DNM1L: variants seen among roughly 807,000 people sequenced by gnomAD.
The protein encoded by DNM1L is dynamin-1-like protein.
A neutral mutation model predicts 92.8 loss-of-function variants in DNM1L; 33 were observed. The observed-to-expected ratio is 0.36, with a 90% CI of 0.27 to 0.48. DNM1L has a LOEUF of 0.48. Among genes scored for constraint, DNM1L ranks in the 20% least tolerant of loss-of-function variants. DNM1L has a pLI of 0.99. For missense variants in DNM1L, 485 were observed against 888.8 expected, an observed-to-expected ratio of 0.55 and a Z score of 5.78; for synonymous variants, 284 against 305.0, an observed-to-expected ratio of 0.93 and a Z score of 0.72.
In DNM1L at chr12:32,717,853, A is replaced by ACTATATATAGT. The variant is rs1565518683; in HGVS notation, c.620-790_620-789insCTATATATAGT. 7.0e-4 allele frequency among the ~76,000 whole-genome samples: 58 copies of ACTATATATAGT among 83,252 alleles called. 1 individual carries two copies. The highest frequency in any genetic ancestry group is 2.9e-3 in the African/African-American group (55 of 18,992). The allele number at this position is 83,252 out of a possible 152,430, so 54.6% of individuals were successfully genotyped here. Reference sequence around the variant, plus strand: ...TAGTATATACTATATATATTTTATAAATATACTATATATAGTATATACTAT... The same window carrying ACTATATATAGT: ...TAGTATATACTATATATATTTTATAACTATATATAGTATATACTATATATAGTATATACTAT... On this transcript the variant is annotated intron_variant, in intron 6 of 19. Coordinates refer to ENST00000549701, the MANE Select transcript of DNM1L (RefSeq NM_012062.5).
chr12:32,720,586 T>C (rs965957929), intron 7 of DNM1L, 78 bp from the exon 8 acceptor site: 1 of 1,593,910 alleles, frequency 6.3e-7, no homozygotes, highest in Non-Finnish European at 8.6e-7. Flanking sequence ...TAGAGAACAA[T>C]GCCTGGTGCT....
At chr12:32,708,458 C>A (rs554936944) in intron 4 of DNM1L, among the ~76,000 whole-genome samples, 41 of 152,040 alleles carry the variant, frequency 2.7e-4, no homozygotes, top group Non-Finnish European at 4.6e-4. Flanking sequence ...TCATATAAAT[C>A]AAATATTTTA....
intron 3 of DNM1L, among the ~76,000 whole-genome samples, chr12:32,707,769 G>T (rs1952982192): frequency 6.6e-6 from 1 of 151,986 alleles, no homozygotes; most frequent in Non-Finnish European, 1.5e-5. Context: ...AGGCAATATA[G>T]GGGGACCCTG....
At chr12:32,699,379 A>G (rs1324298274) in intron 1 of DNM1L, among the ~76,000 whole-genome samples, 2 of 152,234 alleles carry the variant, frequency 1.3e-5, no homozygotes, top group African/African-American at 4.8e-5. Context: ...ACTTTATTAT[A>G]AACTAATAAG....
At position 32,731,824 on chromosome 12, in the gene DNM1L, A is replaced by G. The variant is rs1954575851; in HGVS notation, c.1357-30A>G. 1 of 1,579,642 alleles carries G rather than the reference A, an allele frequency of 6.3e-7. No homozygotes were observed. The highest frequency in any genetic ancestry group is 1.3e-5 in the African/African-American group (1 of 74,182). The stretch of plus-strand genomic sequence containing the variant: ...GACTTAAAAAAAAAACAAAAAACAA[A>G]CACGTTTTTCTTTCATCTACCATTT... On this transcript the variant is annotated intron_variant, in intron 11 of 19. Transcript: ENST00000549701. The surrounding 1 kb of genome is among the most constrained non-coding windows in gnomAD (Gnocchi z 5.1).
chr12:32,728,477 T>C (rs1954305537), intron 9 of DNM1L: 1 of 152,210 alleles, frequency 6.6e-6, no homozygotes, highest in East Asian at 1.9e-4. Context: ...TAATTCATAT[T>C]CAGAAAAGTA....
At chr12:32,700,270 C>T (rs1375229256) in intron 1 of DNM1L, among the ~76,000 whole-genome samples, 1 of 151,978 alleles carries the variant, frequency 6.6e-6, no homozygotes, top group African/African-American at 2.4e-5. Flanking sequence ...CAGGCGCGTG[C>T]CACCACACCC....
intron 4 of DNM1L, among the ~76,000 whole-genome samples, chr12:32,710,065 T>A (rs1398368646): frequency 6.6e-6 from 1 of 152,204 alleles, no homozygotes; most frequent in Non-Finnish European, 1.5e-5. Flanking sequence ...AAACATCTCA[T>A]AAGTGTCTTT....
At chr12:32,690,477 TATC>T (rs1328062120) in intron 1 of DNM1L, among the ~76,000 whole-genome samples, 1 of 152,170 alleles carries the variant, frequency 6.6e-6, no homozygotes, top group South Asian at 2.1e-4. Flanking sequence ...GGTTGCCAGT[TATC>T]ATCATATATG....
At chr12:32,726,474 T>G in intron 9 of DNM1L, 6 of 1,108,394 alleles carry the variant, frequency 5.4e-6, no homozygotes, top group South Asian at 5.0e-5. Flanking sequence ...CTCATCTGCT[T>G]CTTCACCTTC....
intron 1 of DNM1L, among the ~76,000 whole-genome samples, chr12:32,701,149 G>A (rs1952681591): frequency 6.6e-6 from 1 of 151,920 alleles, no homozygotes; most frequent in Admixed American, 6.6e-5. Flanking sequence ...GGTGGCACAC[G>A]CCTGTAATCC....
chr12:32,698,910 G>A (rs925551136), intron 1 of DNM1L, among the ~76,000 whole-genome samples: 2 of 151,950 alleles, frequency 1.3e-5, no homozygotes, highest in African/African-American at 4.8e-5. Flanking sequence ...CTAGCTACTC[G>A]GGAGGCAGAG....
chr12:32,718,513 C>G, intron 6 of DNM1L, 130 bp from the exon 7 acceptor site: 1 of 1,172,892 alleles, frequency 8.5e-7, no homozygotes, highest in Non-Finnish European at 1.2e-6. Context: ...AAGGCATTAC[C>G]AAAATGATGA....
intron 9 of DNM1L, chr12:32,727,522 G>C: frequency 1.8e-5 from 8 of 445,192 alleles, no homozygotes; most frequent in Middle Eastern, 6.4e-4. Context: ...CCCTATCTCT[G>C]AAAATGGAAA....
intron 9 of DNM1L, among the ~76,000 whole-genome samples, chr12:32,726,168 G>A (rs796411721): frequency 2.6e-5 from 4 of 152,224 alleles, no homozygotes; most frequent in African/African-American, 9.6e-5. Flanking sequence ...GAATGAACAT[G>A]TGTGACAGAA....
At chr12:32,679,527 C>A in intron 1 of DNM1L, 62 bp downstream of exon 1, 2 of 1,519,740 alleles carry the variant, frequency 1.3e-6, no homozygotes, top group Non-Finnish European at 1.8e-6. Flanking sequence ...GTCGGTGCTG[C>A]GGCAGTGCCC....
intron 13 of DNM1L, 70 bp downstream of exon 13, chr12:32,733,877 T>G: frequency 7.5e-7 from 1 of 1,339,374 alleles, no homozygotes; most frequent in Non-Finnish European, 1.1e-6. Flanking sequence ...ATCAAACTTA[T>G]TTAGCATGGA....
intron 2 of DNM1L, among the ~76,000 whole-genome samples, chr12:32,706,424 C>T (rs937345527): frequency 4.6e-5 from 7 of 152,170 alleles, no homozygotes; most frequent in African/African-American, 1.7e-4. Context: ...AAAAGCAAAA[C>T]AGCTGTGTTT....
chr12:32,684,621 C>T (rs1011118398), intron 1 of DNM1L, among the ~76,000 whole-genome samples: 10 of 152,264 alleles, frequency 6.6e-5, no homozygotes, highest in Middle Eastern at 6.8e-3. Flanking sequence ...CGCGTGCTAC[C>T]GCACCCAGCT....
Sources: allele counts gnomAD v4.1 joint callset (sites outside exome capture counted in the v4.1 genomes callset), GRCh38; gene constraint gnomAD v4.1.1; non-coding constraint Gnocchi (gnomAD v3.1); transcripts MANE v1.5; gene names NCBI Gene and HGNC (gene_info 2026-07-23, HGNC 2026-07-21).